Variants in ZBTB21 observed in about 807,000 individuals in gnomAD.
ZBTB21 encodes the protein zinc finger and BTB domain containing 21.
ZBTB21 carries 10 observed loss-of-function variants against 39.8 expected under a neutral mutation model. The ratio of observed to expected loss-of-function variants is 0.25; its 90% CI spans 0.16 to 0.43. The LOEUF is 0.43. Among genes scored for constraint, ZBTB21 ranks in the 20% least tolerant of loss-of-function variants. ZBTB21 has a pLI of 1.00. For synonymous variants in ZBTB21, 551 were observed against 498.8 expected, an observed-to-expected ratio of 1.10 and a Z score of -1.40; for missense variants, 1,221 against 1,296.3, an observed-to-expected ratio of 0.94 and a Z score of 0.89.
rs754770060 is a variant in ZBTB21, at chr21:41,992,114, T to C, written c.1982A>G (p.Asn661Ser). ...SSQAQQVIKR[N>S]LRSRAKGAYI... ...AGCTCCTTTGGCTCGAGATCTCAAG[T>C]TCCTCTTGATGACTTGCTGTGCTTG... is the stretch of plus-strand genomic sequence containing the variant. Residue 661 changes from asparagine (N) to serine (S), a missense_variant, in exon 3 of 3, where the codon AAC (asparagine) becomes AGC (serine). Transcript: ENST00000310826. The surrounding 1 kb of genome is among the most constrained non-coding windows in gnomAD (Gnocchi z 4.1). The C allele has an allele frequency of 1.2e-5, 20 of 1,613,914 alleles. No individual in the cohort carries two copies. Among genetic ancestry groups the C allele is most frequent in the South Asian group, 4.4e-5 (4 of 91,072 alleles).
At chr21:41,995,523 G>A (rs2065734649) in intron 2 of ZBTB21, among the ~76,000 whole-genome samples, 1 of 152,232 alleles carries the variant, frequency 6.6e-6, no homozygotes, top group Admixed American at 6.5e-5. Context: ...CTCAGGTGCT[G>A]TTAGAGGCAT....
At position 41,992,374 on chromosome 21, in the gene ZBTB21, G is replaced by A. The variant is rs2065673576; in HGVS notation, c.1722C>T (p.Pro574=). Residue 574 remains proline, a synonymous_variant, in exon 3 of 3, where the codon CCC becomes CCT. Transcript: ENST00000310826. This position sits in a 1 kb window ranked among gnomAD's most constrained non-coding sequence, Gnocchi z 4.1. The stretch of plus-strand genomic sequence containing the variant: ...TCTTGTGACAGATGTCACAAGCGTA[G>A]GGCTTTTCTGGGTTATGGTACATGT... ...HVNMYHNPEK[P]YACDICHKRF... The A allele has an allele frequency of 6.2e-7, 1 of 1,614,208 alleles. No homozygotes were observed.
chr21:42,004,201 T>C lies in ZBTB21; in HGVS notation c.-78-1240A>G, dbSNP rs369933436. On this transcript the variant is annotated intron_variant, in intron 1 of 2. Coordinates refer to ENST00000310826, the MANE Select transcript of ZBTB21 (RefSeq NM_001098402.2). The stretch of plus-strand genomic sequence containing the variant: ...TTTTAGTAGAAATGGGGTTTCACCA[T>C]ATTGGTCAGGCCGGTCTCGAACTCC... Among the ~76,000 whole-genome samples the C allele has an allele frequency of 8.5e-5, 13 of 152,234 alleles. No homozygotes were observed. The East Asian group carries it at 2.3e-3, about 27-fold the overall frequency.
Position 41,993,470 on chromosome 21 carries a change from G to A in ZBTB21, c.626C>T (p.Pro209Leu), listed in dbSNP as rs148545576. The change falls in exon 3 of 3, where the codon CCG becomes CTG. Residue 209 changes from proline (P) to leucine (L), a missense_variant. This residue lies in a region of ZBTB21 where 500 missense variants were observed against 465.6 expected (regional missense o/e 1.07). Transcript: ENST00000310826. Reference sequence around the variant, plus strand: ...TGCATATACCACAGAACTATCTTTCGGCCAACTCTTTTCAGTTAATGACAA... The same window carrying A: ...TGCATATACCACAGAACTATCTTTCAGCCAACTCTTTTCAGTTAATGACAA... ...HNLSLTEKSW[P>L]KDSSVVYAKS... 5.4e-4 allele frequency: 873 copies of A among 1,614,100 alleles called. 7 individuals are homozygous for A. The African/African-American group carries it at 9.3e-3, about 17-fold the overall frequency.
chr21:41,991,336 C>T lies in ZBTB21; in HGVS notation c.2760G>A (p.Val920=). The stretch of plus-strand genomic sequence containing the variant: ...CCTGGTGACGCTCCAGCTGCTTATG[C>T]ACCGTGAACATCTTCCCACACTTCT... ...PCEKCGKMFT[V]HKQLERHQEL... is the part of the protein sequence containing the mutation. Residue 920 remains valine, a synonymous_variant, in exon 3 of 3, where the codon GTG becomes GTA. Coordinates refer to ENST00000310826, the MANE Select transcript of ZBTB21 (RefSeq NM_001098402.2). The surrounding 1 kb of genome is among the most constrained non-coding windows in gnomAD (Gnocchi z 4.9). The T allele has an allele frequency of 6.2e-7, 1 of 1,607,220 alleles. No individual in the cohort carries two copies. Among genetic ancestry groups the T allele is most frequent in the Non-Finnish European group, 8.5e-7 (1 of 1,176,416 alleles).
At chr21:41,999,740 A>G (rs2065795356) in intron 2 of ZBTB21, among the ~76,000 whole-genome samples, 1 of 152,222 alleles carries the variant, frequency 6.6e-6, no homozygotes, top group Non-Finnish European at 1.5e-5. Context: ...GAGGAAGAAC[A>G]TCACAACAAA....
chr21:41,998,294 C>T (rs758942895), intron 2 of ZBTB21, among the ~76,000 whole-genome samples: 4 of 151,608 alleles, frequency 2.6e-5, no homozygotes, highest in South Asian at 4.2e-4. Context: ...TGGGTTCAAA[C>T]GATTCTCCTG....
rs559290596 is a variant in ZBTB21, at chr21:41,988,663, A to T, written c.*2232T>A. 2.0e-5 allele frequency: 3 copies of T among 152,318 alleles called. No individual in the cohort carries two copies. The South Asian group carries it at 6.2e-4, about 32-fold the overall frequency. 9.4% of individuals were successfully genotyped at this position (152,318 alleles called of 1,614,324 possible). A position where few individuals can be genotyped will look rare whatever the true frequency, so the allele number is the denominator to read the frequency against. On this transcript the variant is annotated 3_prime_UTR_variant, in exon 3 of 3. Transcript: ENST00000310826. ...GTTTTTGGTTCAAAATTTTATTTGA[A>T]ATCTTATATTCCTTGCTTAGACAAA...
In ZBTB21 at chr21:41,993,253, A is replaced by T; in HGVS notation, c.843T>A (p.Ser281=). 1 of 1,611,884 alleles carries T rather than the reference A, an allele frequency of 6.2e-7. No homozygotes were observed. The highest frequency in any genetic ancestry group is 8.5e-7 in the Non-Finnish European group (1 of 1,180,026). The change falls in exon 3 of 3, where the codon TCT becomes TCA. Residue 281 remains serine (S), a synonymous_variant. Transcript: ENST00000310826. ...ALKRPRPPVL[S]VCSSSETPYL... is the part of the protein sequence containing the mutation. ...AGGGAGTCTCTGATGAGCTACAAAC[A>T]GACAAAACAGGTGGCCGTGGTCTCT...
At chr21:41,997,405 A>G (rs1488621720) in intron 2 of ZBTB21, among the ~76,000 whole-genome samples, 1 of 152,010 alleles carries the variant, frequency 6.6e-6, no homozygotes, top group Non-Finnish European at 1.5e-5. Context: ...GTGAAATTCC[A>G]TCTCTACTAA....
chr21:42,002,774 T>C (rs546983042), intron 2 of ZBTB21, 123 bp downstream of exon 2: 9 of 152,308 alleles, frequency 5.9e-5, no homozygotes, highest in African/African-American at 2.2e-4. Context: ...TGGAAAAACC[T>C]TGGAGCTCTT....
In ZBTB21 at chr21:41,993,721, G is replaced by T; in HGVS notation, c.375C>A (p.Pro125=). 6.2e-7 allele frequency: 1 copy of T among 1,614,036 alleles called. No homozygotes were observed. Residue 125 remains proline (P), a synonymous_variant, in exon 3 of 3, where the codon CCC becomes CCA. Coordinates refer to ENST00000310826, the MANE Select transcript of ZBTB21 (RefSeq NM_001098402.2). ...TTTTTCTATTAGGACACGTTGGAAA[G>T]GGGGCTTGAGGTGTTTTAGAAACGA... The part of the protein sequence containing the change: ...TNIVSKTPQA[P]FPTCPNRKKV...
At chr21:41,995,593 A>G (rs2065735536) in intron 2 of ZBTB21, among the ~76,000 whole-genome samples, 1 of 152,250 alleles carries the variant, frequency 6.6e-6, no homozygotes, top group Non-Finnish European at 1.5e-5. Context: ...TGACAGTGCG[A>G]TAGAAAAGAA....
chr21:41,998,349 G>A (rs1183968213), intron 2 of ZBTB21, among the ~76,000 whole-genome samples: 6 of 151,586 alleles, frequency 4.0e-5, no homozygotes, highest in South Asian at 2.1e-4. Context: ...GCACCACCAC[G>A]CCCAGCTAAT....
intron 2 of ZBTB21, among the ~76,000 whole-genome samples, chr21:42,000,956 A>G (rs1206811030): frequency 6.6e-6 from 1 of 152,226 alleles, no homozygotes; most frequent in African/African-American, 2.4e-5. Flanking sequence ...TAGAACAGTA[A>G]CTAGGTACTT....
At chr21:42,003,591 C>T (rs978658406) in intron 1 of ZBTB21, among the ~76,000 whole-genome samples, 7 of 152,076 alleles carry the variant, frequency 4.6e-5, no homozygotes, top group African/African-American at 7.2e-5. Flanking sequence ...GTCCAAAAAC[C>T]CAAAACTACT....
At position 41,991,566 on chromosome 21, in the gene ZBTB21, C is replaced by A; in HGVS notation, c.2530G>T (p.Asp844Tyr). 1 of 1,614,168 alleles carries A rather than the reference C, an allele frequency of 6.2e-7. No individual in the cohort carries two copies. Among genetic ancestry groups the A allele is most frequent in the Admixed American group, 1.7e-5 (1 of 60,022 alleles). The change falls in exon 3 of 3, where the codon GAC becomes TAC. Residue 844 changes from aspartate (D) to tyrosine (Y), a missense_variant. Coordinates refer to ENST00000310826, the MANE Select transcript of ZBTB21 (RefSeq NM_001098402.2). The surrounding 1 kb of genome is among the most constrained non-coding windows in gnomAD (Gnocchi z 4.9). ...TCTGAAGAATCACTGAACACGTTGT[C>A]GTCTTTTGTGGTGACGATGTGGTTT... is the stretch of plus-strand genomic sequence containing the variant. ...KVNHIVTTKD[D>Y]NVFSDSSEQV...
chr21:42,006,048 T>C (rs1393209692), intron 1 of ZBTB21, among the ~76,000 whole-genome samples: 2 of 152,154 alleles, frequency 1.3e-5, no homozygotes, highest in Non-Finnish European at 2.9e-5. Flanking sequence ...ATAAAAACAA[T>C]TGTTCTCCAT....
Position 41,992,535 on chromosome 21 carries a change from C to T in ZBTB21, c.1561G>A (p.Asp521Asn). Reference protein sequence around the residue: ...FEEGSSPTLLDADFPDSDLNK... With the variant: ...FEEGSSPTLLNADFPDSDLNK... The stretch of plus-strand genomic sequence containing the variant: ...AAATCAGAATCTGGAAAATCTGCAT[C>T]AAGGAGAGTAGGGCTTGAGCCTTCC... The change falls in exon 3 of 3, where the codon GAT becomes AAT. Residue 521 changes from aspartate (D) to asparagine (N), a missense_variant. This residue lies in a region of ZBTB21 where 500 missense variants were observed against 465.6 expected (regional missense o/e 1.07). Transcript: ENST00000310826. This position sits in a 1 kb window ranked among gnomAD's most constrained non-coding sequence, Gnocchi z 4.1. The T allele has an allele frequency of 6.2e-7, 1 of 1,614,218 alleles. No homozygotes were observed. The highest frequency in any genetic ancestry group is 1.1e-5 in the South Asian group (1 of 91,088).
Sources: allele counts gnomAD v4.1 joint callset (sites outside exome capture counted in the v4.1 genomes callset), GRCh38; gene constraint gnomAD v4.1.1; regional missense constraint gnomAD v4.1.1; non-coding constraint Gnocchi (gnomAD v3.1); transcripts MANE v1.5; gene names NCBI Gene and HGNC (gene_info 2026-07-23, HGNC 2026-07-21).